Variants in POC5 observed in about 807,000 individuals in gnomAD.
The protein encoded by POC5 is centrosomal protein POC5.
In POC5, 48 loss-of-function variants were observed where a neutral mutation model predicts 62.9. The observed-to-expected ratio is 0.76, with a 90% CI of 0.61 to 0.97. The LOEUF (loss-of-function observed/expected upper bound fraction) is 0.97, where lower values mean the gene tolerates loss of function less well. Ranked by LOEUF, POC5 falls within the 50% of genes least tolerant of loss-of-function variation. The pLI is 0.00. For synonymous variants in POC5, 236 were observed against 228.2 expected (o/e 1.03, Z -0.31); for missense variants, 696 against 679.5 (o/e 1.02, Z -0.27).
intron 8 of POC5, among the ~76,000 whole-genome samples, chr5:75,690,022 A>G (rs1296494489): frequency 6.6e-6 from 1 of 152,240 alleles, no homozygotes; most frequent in South Asian, 2.1e-4. Context: ...AGTAGCGGGT[A>G]TTATAGGCAT....
chr5:75,685,163 G>T, intron 10 of POC5, 44 bp downstream of exon 10: 1 of 1,544,036 alleles, frequency 6.5e-7, no homozygotes, highest in Non-Finnish European at 8.8e-7. Flanking sequence ...CACTGGGCCT[G>T]GCCGCCCTTT....
chr5:75,706,349 G>A (rs1403039352), intron 3 of POC5, among the ~76,000 whole-genome samples: 1 of 152,192 alleles, frequency 6.6e-6, no homozygotes, highest in East Asian at 1.9e-4. Flanking sequence ...GAGAATGTGG[G>A]ATGATGAATT....
chr5:75,676,489 T>C (rs1775657915), intron 11 of POC5, among the ~76,000 whole-genome samples: 1 of 152,174 alleles, frequency 6.6e-6, no homozygotes, highest in Non-Finnish European at 1.5e-5. Context: ...TCACCTGAAG[T>C]TCAGTTCAAA....
intron 1 of POC5, among the ~76,000 whole-genome samples, chr5:75,714,608 C>T (rs924599928): frequency 3.9e-5 from 6 of 152,038 alleles, no homozygotes; most frequent in Non-Finnish European, 8.8e-5. Flanking sequence ...TCCAGATCTC[C>T]GGTTTGGGTA....
chr5:75,706,871 G>A (rs1444051345), intron 3 of POC5, among the ~76,000 whole-genome samples: 3 of 152,154 alleles, frequency 2.0e-5, no homozygotes, highest in Non-Finnish European at 4.4e-5. Flanking sequence ...CTCTCATCCT[G>A]TGGTCCTGTT....
intron 6 of POC5, among the ~76,000 whole-genome samples, chr5:75,693,097 CAT>C (rs768020234): frequency 1.6e-4 from 24 of 147,140 alleles, no homozygotes; most frequent in East Asian, 7.8e-4. Flanking sequence ...ACATATATAA[CAT>C]ATGTCATACA....
chr5:75,674,586 G>C lies in POC5; in HGVS notation c.1585-8C>G. ...TGCTTGAGGAATGGTTTGCTGAAAA[G>C]ACAAAATTCTGCTTTAATAATATCC... On this transcript the variant is annotated splice_polypyrimidine_tract_variant and splice_region_variant and intron_variant, in intron 11 of 11. Coordinates refer to ENST00000428202, the MANE Select transcript of POC5 (RefSeq NM_001099271.2). 6.2e-7 allele frequency: 1 copy of C among 1,613,292 alleles called. No homozygotes were observed. Among genetic ancestry groups the C allele is most frequent in the South Asian group, 1.1e-5 (1 of 90,958 alleles).
rs1353760404 is a variant in POC5 at position 75,707,756 on chromosome 5, AT to A, written c.203del (p.His68LeufsTer13). 1.9e-6 allele frequency: 3 copies of A among 1,547,630 alleles called. No homozygotes were observed. The African/African-American group carries it at 4.1e-5, about 21-fold the overall frequency. On this transcript the variant is annotated frameshift_variant, in exon 3 of 12. Transcript: ENST00000428202. LOFTEE classifies it high-confidence loss of function. ...LVPDVRISTI[H>X]DILHSQGNNS... ...TATAACCTTGACTATGAAGAATATC[AT>A]GAATTGTAGAAATTCTGACATCTGG...
chr5:75,694,901 TAAAG>T (rs1776495306), intron 5 of POC5, 70 bp from the exon 6 acceptor site: 15 of 1,069,842 alleles, frequency 1.4e-5, no homozygotes, highest in Middle Eastern at 3.2e-4. Context: ...TACACTGAAA[TAAAG>T]AAACATTAAA....
In POC5 at chr5:75,712,837, T is replaced by C; in HGVS notation, c.84+17A>G. Reference sequence around the variant, plus strand: ...AAAATAAAAAAAGTCATGGTAAATTTAGAAATTTTTTCCTACCTGAAGATT... The same window carrying C: ...AAAATAAAAAAAGTCATGGTAAATTCAGAAATTTTTTCCTACCTGAAGATT... On this transcript the variant is annotated intron_variant, in intron 2 of 11. Transcript: ENST00000428202. 6.4e-7 allele frequency: 1 copy of C among 1,574,170 alleles called. No individual in the cohort carries two copies.
intron 2 of POC5, 28 bp from the exon 3 acceptor site, chr5:75,707,903 A>C (rs1327971581): frequency 2.0e-6 from 3 of 1,532,072 alleles, no homozygotes; most frequent in Non-Finnish European, 1.8e-6. Flanking sequence ...TCAATAATGT[A>C]GTGTAACAGT....
chr5:75,711,959 G>A (rs980171687), intron 2 of POC5, among the ~76,000 whole-genome samples: 2 of 152,162 alleles, frequency 1.3e-5, no homozygotes, highest in African/African-American at 4.8e-5. Flanking sequence ...AGGAAGTACT[G>A]TCACCTGAAG....
At chr5:75,705,676 A>G (rs1777086186) in intron 4 of POC5, 28 bp downstream of exon 4, 1 of 1,386,102 alleles carries the variant, frequency 7.2e-7, no homozygotes, top group Non-Finnish European at 9.7e-7. Context: ...TTGTATATTA[A>G]TACAAATAAG....
chr5:75,715,846 T>C (rs149374278), intron 1 of POC5, among the ~76,000 whole-genome samples: 38 of 152,122 alleles, frequency 2.5e-4, no homozygotes, highest in African/African-American at 8.9e-4. Context: ...AGAAGAACAG[T>C]CAGCAAAGAA....
chr5:75,694,739 T>C lies in POC5; in HGVS notation c.606A>G (p.Ala202=). The C allele has an allele frequency of 6.2e-7, 1 of 1,601,326 alleles. No homozygotes were observed. Among genetic ancestry groups the C allele is most frequent in the Non-Finnish European group, 8.5e-7 (1 of 1,170,044 alleles). ...TCTGATTACACAGTTGTTTTAAATG[T>C]GCTGCATGTTTTTCTTTCTCTTTTC... ...EMRKEKEKHA[A]HLKQLCNQIN... The change falls in exon 6 of 12, where the codon GCA becomes GCG. Residue 202 remains alanine (A), a synonymous_variant. Coordinates refer to ENST00000428202, the MANE Select transcript of POC5 (RefSeq NM_001099271.2).
At chr5:75,695,697 G>C (rs1776539864) in intron 5 of POC5, among the ~76,000 whole-genome samples, 2 of 152,020 alleles carry the variant, frequency 1.3e-5, no homozygotes, top group South Asian at 2.1e-4. Flanking sequence ...ACAAAAAAAA[G>C]TGGGGGAGGA....
At position 75,701,425 on chromosome 5, in the gene POC5, A is replaced by T. The variant is rs1454848007; in HGVS notation, c.513+1180T>A. ...ATGAGTTCATGTCCTTTGTAGGGAC[A>T]TGGATGAAACTGGAAATCATCATTC... On this transcript the variant is annotated intron_variant, in intron 5 of 11. Coordinates refer to ENST00000428202, the MANE Select transcript of POC5 (RefSeq NM_001099271.2). Among the ~76,000 whole-genome samples the T allele has an allele frequency of 2.2e-5, 3 of 135,140 alleles. 1 individual carries two copies. The East Asian group carries it at 6.3e-4, about 28-fold the overall frequency. 88.7% of individuals were successfully genotyped at this position (135,140 alleles called of 152,430 possible). A position where few individuals can be genotyped will look rare whatever the true frequency, so the allele number is the denominator to read the frequency against.
chr5:75,693,097 C>T (rs1776410957), intron 6 of POC5, among the ~76,000 whole-genome samples: 2 of 147,148 alleles, frequency 1.4e-5, no homozygotes, highest in Non-Finnish European at 3.0e-5. Flanking sequence ...ACATATATAA[C>T]ATATGTCATA....
intron 10 of POC5, among the ~76,000 whole-genome samples, chr5:75,681,507 G>A (rs1378087736): frequency 6.6e-6 from 1 of 151,466 alleles, no homozygotes; most frequent in Non-Finnish European, 1.5e-5. Flanking sequence ...AGCCTTTTTT[G>A]AAAAATGGTT....
Sources: allele counts gnomAD v4.1 joint callset (sites outside exome capture counted in the v4.1 genomes callset), GRCh38; gene constraint gnomAD v4.1.1; transcripts MANE v1.5; gene names NCBI Gene and HGNC (gene_info 2026-07-23, HGNC 2026-07-21).